FHIT: variants seen among roughly 807,000 people sequenced by gnomAD.
FHIT encodes bis(5'-adenosyl)-triphosphatase.
FHIT carries 19 observed loss-of-function variants against 17.9 expected under a neutral mutation model. The ratio of observed to expected loss-of-function variants is 1.06; its 90% CI spans 0.74 to 1.56. The LOEUF (loss-of-function observed/expected upper bound fraction) is 1.56, where lower values mean the gene tolerates loss of function less well. FHIT is among the 40% of genes most tolerant of loss of function. The pLI, the probability that FHIT is intolerant of heterozygous loss-of-function variation, is 0.00. For missense variants in FHIT, 248 were observed against 189.2 expected (o/e 1.31, Z -1.82); for synonymous variants, 81 against 69.7 (o/e 1.16, Z -0.81).
rs190150722 is a variant in FHIT, at chr3:60,595,424, A to C, written c.-17-58445T>G. Among the ~76,000 whole-genome samples, 9 of 151,548 alleles carry C rather than the reference A, an allele frequency of 5.9e-5. 1 individual carries two copies. Among genetic ancestry groups the C allele is most frequent in the Admixed American group, 5.9e-4 (9 of 15,192 alleles). On this transcript the variant is annotated intron_variant, in intron 4 of 9. Transcript: ENST00000492590. ...TGTAAATTGCAGTGAGCCATGTATT[A>C]AAGGGAAAGAACATGGAGGATCACC...
chr3:60,873,639 A>T (rs1158573062), intron 3 of FHIT, among the ~76,000 whole-genome samples: 2 of 152,196 alleles, frequency 1.3e-5, no homozygotes, highest in African/African-American at 4.8e-5. Flanking sequence ...GGCCTACAGG[A>T]TGGGAAATTC....
chr3:60,569,749 ATATATATTT>A (rs1421817762), intron 4 of FHIT, among the ~76,000 whole-genome samples: 1 of 62,774 alleles, frequency 1.6e-5, no homozygotes, highest in Middle Eastern at 7.8e-3. Flanking sequence ...ATATATATAT[ATATATATTT>A]TTTTTTTTTT....
intron 5 of FHIT, among the ~76,000 whole-genome samples, chr3:60,310,686 A>G (rs1708901676): frequency 6.6e-6 from 1 of 152,192 alleles, no homozygotes; most frequent in Non-Finnish European, 1.5e-5. Flanking sequence ...CCTGAAACAC[A>G]CAAGGACACA....
chr3:60,574,629 A>G (rs541258144), intron 4 of FHIT, among the ~76,000 whole-genome samples: 3 of 152,152 alleles, frequency 2.0e-5, no homozygotes, highest in African/African-American at 7.2e-5. Flanking sequence ...AGTTGTGTAA[A>G]CACATCTTTA....
intron 5 of FHIT, among the ~76,000 whole-genome samples, chr3:60,131,283 G>C (rs1699587235): frequency 6.6e-6 from 1 of 151,610 alleles, no homozygotes; most frequent in South Asian, 2.1e-4. Flanking sequence ...ATGCTATATA[G>C]TTATTCTAAC....
intron 2 of FHIT, among the ~76,000 whole-genome samples, chr3:61,072,370 G>A (rs1455387865): frequency 2.0e-5 from 3 of 152,174 alleles, no homozygotes; most frequent in Non-Finnish European, 4.4e-5. Flanking sequence ...CCTTGCAAGG[G>A]ATCACTTCAG....
chr3:61,175,325 C>T lies in FHIT; in HGVS notation c.-164+25292G>A, dbSNP rs146790249. Among the ~76,000 whole-genome samples, 658 of 152,184 alleles carry T rather than the reference C, an allele frequency of 4.3e-3. 8 individuals are homozygous for T. The highest frequency in any genetic ancestry group is 0.015 in the African/African-American group (632 of 41,532). On this transcript the variant is annotated intron_variant, in intron 2 of 9. Coordinates refer to ENST00000492590, the MANE Select transcript of FHIT (RefSeq NM_002012.4). ...GAGCCACCACAAACTCTCCTAAAATCCCTTTGTCCATTTCTGCCACTTTCA... is the reference window on the plus strand; with the variant it reads ...GAGCCACCACAAACTCTCCTAAAATTCCTTTGTCCATTTCTGCCACTTTCA...
intron 5 of FHIT, among the ~76,000 whole-genome samples, chr3:60,103,715 G>C (rs1246021489): frequency 6.6e-6 from 1 of 152,162 alleles, no homozygotes; most frequent in African/African-American, 2.4e-5. Flanking sequence ...AGACTGGTCA[G>C]TTAGCCCTCT....
chr3:60,275,196 G>A (rs1471949281), intron 5 of FHIT, among the ~76,000 whole-genome samples: 2 of 149,942 alleles, frequency 1.3e-5, no homozygotes, highest in Admixed American at 1.3e-4. Context: ...TGACAACTTG[G>A]CTCCCTGCTC....
intron 5 of FHIT, among the ~76,000 whole-genome samples, chr3:60,287,178 T>A (rs1707765221): frequency 6.6e-6 from 1 of 150,902 alleles, no homozygotes; most frequent in South Asian, 2.1e-4. Context: ...AAAATTTCCA[T>A]TTTTTTTTCA....
chr3:60,508,222 A>AAC (rs1212736370), intron 5 of FHIT, among the ~76,000 whole-genome samples: 1 of 152,184 alleles, frequency 6.6e-6, no homozygotes, highest in Non-Finnish European at 1.5e-5. Context: ...TAGGAAGTAA[A>AAC]ACCAGCAAGA....
At chr3:60,756,416 A>G (rs2042572851) in intron 4 of FHIT, among the ~76,000 whole-genome samples, 1 of 152,228 alleles carries the variant, frequency 6.6e-6, no homozygotes, top group Non-Finnish European at 1.5e-5. Flanking sequence ...TGCCAAACGA[A>G]AAGCCTGATG....
At chr3:60,235,492 G>A (rs1205720983) in intron 5 of FHIT, among the ~76,000 whole-genome samples, 1 of 152,046 alleles carries the variant, frequency 6.6e-6, no homozygotes, top group East Asian at 1.9e-4. Context: ...AGCCCCCAAA[G>A]TGCTAGGATT....
chr3:61,021,551 A>G (rs1423902993), intron 3 of FHIT, among the ~76,000 whole-genome samples: 1 of 138,930 alleles, frequency 7.2e-6, no homozygotes, highest in Non-Finnish European at 1.5e-5. Context: ...GTGAGCCGAG[A>G]TCCCGCCACT....
chr3:61,175,397 A>G (rs952252789), intron 2 of FHIT, among the ~76,000 whole-genome samples: 8 of 152,080 alleles, frequency 5.3e-5, no homozygotes, highest in Non-Finnish European at 7.4e-5. Flanking sequence ...TCCCCCATCA[A>G]AGTCACCAGA....
At chr3:60,011,333 G>A (rs572887410) in intron 7 of FHIT, 38 bp downstream of exon 7, 48 of 1,598,460 alleles carry the variant, frequency 3.0e-5, no homozygotes, top group Admixed American at 6.7e-5. Flanking sequence ...TCTCATAATC[G>A]CCTCTTATTA....
chr3:59,877,216 C>T (rs539346350), intron 8 of FHIT, among the ~76,000 whole-genome samples: 12 of 152,282 alleles, frequency 7.9e-5, no homozygotes, highest in African/African-American at 2.9e-4. Flanking sequence ...AAACTCCTTA[C>T]TATTGGAACT....
intron 4 of FHIT, among the ~76,000 whole-genome samples, chr3:60,578,973 T>G (rs1227982486): frequency 3.3e-5 from 5 of 152,144 alleles, no homozygotes; most frequent in African/African-American, 4.8e-5. Flanking sequence ...AAAAGGGAAT[T>G]TTACAATCTG....
rs934605618 is a variant in FHIT, at chr3:60,344,919, T to A, written c.103+191941A>T. 3.3e-5 allele frequency among the ~76,000 whole-genome samples: 5 copies of A among 152,268 alleles called. No homozygotes were observed. In the East Asian group the frequency reaches 9.7e-4, roughly 29 times the overall value. On this transcript the variant is annotated intron_variant, in intron 5 of 9. Coordinates refer to ENST00000492590, the MANE Select transcript of FHIT (RefSeq NM_002012.4). ...CAAAGACATAGAATGATATAATGAA[T>A]CATTTATACCTCCACTATCACTCAC... is the stretch of plus-strand genomic sequence containing the variant.
Sources: allele counts gnomAD v4.1 joint callset (sites outside exome capture counted in the v4.1 genomes callset), GRCh38; gene constraint gnomAD v4.1.1; transcripts MANE v1.5; gene names NCBI Gene and HGNC (gene_info 2026-07-23, HGNC 2026-07-21).